The following IL1RAPL2 variants were observed in gnomAD, a reference collection of about 807,000 sequenced individuals.
The protein encoded by IL1RAPL2 is interleukin 1 receptor accessory protein like 2.
IL1RAPL2 carries 3 observed loss-of-function variants against 44.1 expected under a neutral mutation model. That is an observed-to-expected ratio of 0.07 (90% CI 0.03 to 0.18). The LOEUF is 0.18. Ranked by LOEUF, IL1RAPL2 falls within the 10% of genes least tolerant of loss-of-function variation. IL1RAPL2 has a pLI of 1.00. For missense variants in IL1RAPL2, 391 were observed against 496.4 expected, an observed-to-expected ratio of 0.79 and a Z score of 2.02; for synonymous variants, 181 against 178.8, an observed-to-expected ratio of 1.01 and a Z score of -0.10.
chrX:105,409,354 C>T (rs2035675273), intron 5 of IL1RAPL2, among the ~76,000 whole-genome samples: 1 of 111,726 alleles, frequency 9.0e-6, no homozygotes, highest in Non-Finnish European at 1.9e-5. Context: ...AAATTATATA[C>T]ATCTAACAAT....
At position 104,599,650 on chromosome X, in the gene IL1RAPL2, G is replaced by GCACACACACA. The variant is rs35769134; in HGVS notation, c.-20+32635_-20+32644dup. ...GAAAAGGAAACTTTTGATGGATTTA[G>GCACACACACA]CACACACACACACACACACACACAC... On this transcript the variant is annotated intron_variant, in intron 1 of 10. Coordinates refer to ENST00000372582, the MANE Select transcript of IL1RAPL2 (RefSeq NM_017416.2). Among the ~76,000 whole-genome samples the GCACACACACA allele has an allele frequency of 7.3e-4, 63 of 86,172 alleles. 1 individual carries two copies. The highest frequency in any genetic ancestry group is 1.2e-3 in the Non-Finnish European group (50 of 43,462). 74.8% of individuals were successfully genotyped at this position (86,172 alleles called of 115,157 possible). A position where few individuals can be genotyped will look rare whatever the true frequency, so the allele number is the denominator to read the frequency against.
At chrX:105,223,023 G>A (rs1046105662) in intron 3 of IL1RAPL2, among the ~76,000 whole-genome samples, 3 of 110,330 alleles carry the variant, frequency 2.7e-5, no homozygotes, top group Non-Finnish European at 3.8e-5. Context: ...AATGGCGCAC[G>A]CCTGTAGTCC....
intron 6 of IL1RAPL2, among the ~76,000 whole-genome samples, chrX:105,707,797 T>C (rs2038176735): frequency 1.8e-5 from 2 of 111,700 alleles, no homozygotes; most frequent in Non-Finnish European, 3.8e-5. Flanking sequence ...TAAAGCAAAG[T>C]GCAGCTAAAC....
intron 2 of IL1RAPL2, among the ~76,000 whole-genome samples, chrX:105,162,817 G>A (rs1251805528): frequency 9.0e-6 from 1 of 111,503 alleles, no homozygotes; most frequent in African/African-American, 3.3e-5. Flanking sequence ...AGCAGATTTG[G>A]TGTCTGGTGA....
chrX:104,884,519 T>G (rs1181032217), intron 2 of IL1RAPL2, among the ~76,000 whole-genome samples: 1 of 111,348 alleles, frequency 9.0e-6, no homozygotes, highest in African/African-American at 3.3e-5. Flanking sequence ...GGCTCACCTT[T>G]GAAATGCATC....
In IL1RAPL2 at chrX:104,992,696, G is replaced by A. The variant is rs189606533; in HGVS notation, c.83-202779G>A. ...GCAAGAATTTGACGTTTCTCTTTGG[G>A]CCCTATCTACTGAATATGAGTGTTT... is the stretch of plus-strand genomic sequence containing the variant. On this transcript the variant is annotated intron_variant, in intron 2 of 10. Transcript: ENST00000372582. Among the ~76,000 whole-genome samples, 626 of 110,174 alleles carry A rather than the reference G, an allele frequency of 5.7e-3. 2 individuals carry two copies. Among genetic ancestry groups the A allele is most frequent in the Non-Finnish European group, 0.01 (528 of 52,681 alleles).
chrX:105,119,287 C>A (rs775978884), intron 2 of IL1RAPL2, among the ~76,000 whole-genome samples: 3 of 111,094 alleles, frequency 2.7e-5, no homozygotes, highest in African/African-American at 9.8e-5. Context: ...AAACAGGAAT[C>A]TTCACAAGTT....
rs1160491691 is a variant in IL1RAPL2, at chrX:105,059,068, G to A, written c.83-136407G>A. Among the ~76,000 whole-genome samples, 16 of 111,802 alleles carry A rather than the reference G, an allele frequency of 1.4e-4. 1 individual carries two copies. The highest frequency in any genetic ancestry group is 1.9e-5 in the Non-Finnish European group (1 of 53,132). On this transcript the variant is annotated intron_variant, in intron 2 of 10. Coordinates refer to ENST00000372582, the MANE Select transcript of IL1RAPL2 (RefSeq NM_017416.2). ...ATACAATGCATAATAATTCACGTCA[G>A]GGCAAATAGAATATCCATCACCTCT...
intron 2 of IL1RAPL2, chrX:104,804,256 C>T (rs1932905672): frequency 9.0e-6 from 1 of 111,144 alleles, no homozygotes; most frequent in Admixed American, 9.6e-5. Flanking sequence ...AAATGGGTGC[C>T]CAGCAATGTG....
chrX:105,542,736 ATTAT>A (rs1275084677), intron 6 of IL1RAPL2, among the ~76,000 whole-genome samples: 22 of 49,042 alleles, frequency 4.5e-4, no homozygotes, highest in East Asian at 3.3e-3. Context: ...TATTTAATTT[ATTAT>A]TTTTTTTTTT....
intron 8 of IL1RAPL2, among the ~76,000 whole-genome samples, chrX:105,747,528 A>G (rs2038557961): frequency 1.2e-5 from 1 of 84,983 alleles, no homozygotes; most frequent in Non-Finnish European, 2.2e-5. Flanking sequence ...ATATATATAT[A>G]TATATATACA....
At chrX:105,082,733 CA>C (rs1456555941) in intron 2 of IL1RAPL2, among the ~76,000 whole-genome samples, 1 of 111,948 alleles carries the variant, frequency 8.9e-6, no homozygotes, top group Non-Finnish European at 1.9e-5. Context: ...GGAAAACTAA[CA>C]AACAGAAAGG....
At chrX:104,666,825 A>C (rs927377220) in intron 2 of IL1RAPL2, among the ~76,000 whole-genome samples, 1 of 111,673 alleles carries the variant, frequency 9.0e-6, no homozygotes, top group Admixed American at 9.5e-5. Flanking sequence ...TCCCTGGAGA[A>C]AGCTAGCACC....
intron 2 of IL1RAPL2, among the ~76,000 whole-genome samples, chrX:104,895,144 G>C (rs1038024944): frequency 1.8e-4 from 16 of 87,362 alleles, no homozygotes; most frequent in Non-Finnish European, 3.1e-4. Flanking sequence ...CGTTCCTCTG[G>C]AAGCTTCATC....
chrX:105,007,947 T>C (rs1051841761), intron 2 of IL1RAPL2, among the ~76,000 whole-genome samples: 89 of 114,801 alleles, frequency 7.8e-4, no homozygotes, highest in South Asian at 2.7e-3. Flanking sequence ...TTTAGCACTA[T>C]AAACACTATA....
At chrX:104,915,156 G>C (rs1056735993) in intron 2 of IL1RAPL2, among the ~76,000 whole-genome samples, 2 of 111,475 alleles carry the variant, frequency 1.8e-5, no homozygotes, top group Admixed American at 1.9e-4. Flanking sequence ...CTTCCACAAT[G>C]GTTGAACTAG....
chrX:105,121,272 C>A (rs2032922465), intron 2 of IL1RAPL2, among the ~76,000 whole-genome samples: 1 of 111,710 alleles, frequency 9.0e-6, no homozygotes, highest in Non-Finnish European at 1.9e-5. Flanking sequence ...TGAAGCACAT[C>A]ACCGAATTTA....
At chrX:105,586,333 A>T (rs1295372726) in intron 6 of IL1RAPL2, among the ~76,000 whole-genome samples, 1 of 112,031 alleles carries the variant, frequency 8.9e-6, no homozygotes, top group East Asian at 2.8e-4. Context: ...GGCAATTTTT[A>T]AAAAGTCAAG....
At chrX:104,740,411 T>C (rs865949096) in intron 2 of IL1RAPL2, among the ~76,000 whole-genome samples, 11 of 111,237 alleles carry the variant, frequency 9.9e-5, no homozygotes, top group African/African-American at 1.6e-4. Flanking sequence ...AAAATTGTTG[T>C]CTGTTATATT....
Sources: allele counts gnomAD v4.1 joint callset (sites outside exome capture counted in the v4.1 genomes callset), GRCh38; gene constraint gnomAD v4.1.1; transcripts MANE v1.5; gene names NCBI Gene and HGNC (gene_info 2026-07-23, HGNC 2026-07-21).